Variants in TRPM8 observed in about 807,000 individuals in gnomAD.
TRPM8 encodes the protein TRPM8 cationic channel.
A neutral mutation model predicts 133.7 loss-of-function variants in TRPM8; 110 were observed. That is an observed-to-expected ratio of 0.82 (90% CI 0.70 to 0.96). TRPM8 has a LOEUF of 0.96. TRPM8 is among the 40% of genes least tolerant of loss of function. The pLI, the probability that TRPM8 is intolerant of heterozygous loss-of-function variation, is 0.00. For synonymous variants in TRPM8, 535 were observed against 532.3 expected (o/e 1.01, Z -0.07); for missense variants, 1,291 against 1,379.5 (o/e 0.94, Z 1.02).
At chr2:233,952,092 A>G (rs1282399683) in intron 9 of TRPM8, among the ~76,000 whole-genome samples, 2 of 152,162 alleles carry the variant, frequency 1.3e-5, no homozygotes, top group African/African-American at 4.8e-5. Context: ...CCAGTCTATC[A>G]ACCAATCTAG....
intron 22 of TRPM8, among the ~76,000 whole-genome samples, chr2:234,000,084 A>ATGATTGAT (rs1400522965): frequency 3.1e-5 from 3 of 95,650 alleles, no homozygotes; most frequent in Admixed American, 2.4e-4. Flanking sequence ...ATCAATGTGG[A>ATGATTGAT]TGATTTATTT....
chr2:233,943,699 C>T (rs1294256053), intron 6 of TRPM8, among the ~76,000 whole-genome samples: 2 of 152,096 alleles, frequency 1.3e-5, no homozygotes, highest in Non-Finnish European at 2.9e-5. Flanking sequence ...ACAAGGTAGA[C>T]ATATGGGGTT....
intron 2 of TRPM8, among the ~76,000 whole-genome samples, chr2:233,927,770 CTTTCTT>C (rs1691560754): frequency 1.5e-5 from 1 of 65,508 alleles, no homozygotes. Context: ...TTCTTTCTTT[CTTTCTT>C]TCTTTCTTTC....
chr2:233,978,391 T>C (rs1284631423), intron 17 of TRPM8, among the ~76,000 whole-genome samples: 1 of 152,186 alleles, frequency 6.6e-6, no homozygotes, highest in East Asian at 1.9e-4. Flanking sequence ...CACACTGTAT[T>C]ACATCAAACC....
chr2:233,983,532 G>A (rs1369296434), intron 20 of TRPM8, among the ~76,000 whole-genome samples: 1 of 152,174 alleles, frequency 6.6e-6, no homozygotes, highest in Non-Finnish European at 1.5e-5. Flanking sequence ...CCAGGGTTGT[G>A]AGTTGTACTC....
intron 24 of TRPM8, among the ~76,000 whole-genome samples, chr2:234,009,028 C>T (rs2125401451): frequency 6.6e-6 from 1 of 152,256 alleles, no homozygotes; most frequent in East Asian, 1.9e-4. Context: ...AGAAGAGAGC[C>T]CAGTGGGAAG....
chr2:233,981,954 C>A (rs368411322), intron 19 of TRPM8, 39 bp downstream of exon 19: 2 of 1,556,482 alleles, frequency 1.3e-6, no homozygotes, highest in Non-Finnish European at 8.7e-7. Flanking sequence ...ATTTTTCTTG[C>A]GGGGCCCAGA....
rs958696132 is a variant in TRPM8, at chr2:234,017,582, A to G, written c.*326A>G. The G allele has an allele frequency of 3.4e-6, 1 of 298,114 alleles. No individual in the cohort carries two copies. Among genetic ancestry groups the G allele is most frequent in the Admixed American group, 4.7e-5 (1 of 21,420 alleles). The allele number at this position is 298,114 out of a possible 1,614,324, so 18.5% of individuals were successfully genotyped here. ...ACCGCCTCCTTTTTCCTTTAATCTTATTTTTGATGAACACATATATAGGAG... is the reference window on the plus strand; with the variant it reads ...ACCGCCTCCTTTTTCCTTTAATCTTGTTTTTGATGAACACATATATAGGAG... On this transcript the variant is annotated 3_prime_UTR_variant, in exon 26 of 26. Transcript: ENST00000324695.
chr2:233,988,327 A>G (rs1360836986), intron 21 of TRPM8, among the ~76,000 whole-genome samples: 1 of 151,840 alleles, frequency 6.6e-6, no homozygotes, highest in Non-Finnish European at 1.5e-5. Flanking sequence ...CCAGGGTGGT[A>G]CCTGATGGCC....
chr2:233,980,154 G>A, intron 17 of TRPM8, 34 bp from the exon 18 acceptor site: 1 of 1,390,052 alleles, frequency 7.2e-7, no homozygotes, highest in Non-Finnish European at 1.0e-6. Context: ...TTTCCAAGCT[G>A]CTGATGTCCC....
chr2:233,950,018 G>T lies in TRPM8; in HGVS notation c.1012G>T (p.Val338Leu). Residue 338 changes from valine (V) to leucine (L), a missense_variant, in exon 9 of 26, where the codon GTG becomes TTG. Coordinates refer to ENST00000324695, the MANE Select transcript of TRPM8 (RefSeq NM_024080.5). ...GGAAGGCTCGGGCCAGATCGCTGAT[G>T]TGATCGCTAGCCTGGTGGAGGTGGA... The part of the protein sequence containing the change: ...VVEGSGQIAD[V>L]IASLVEVEDA... 1 of 1,614,208 alleles carries T rather than the reference G, an allele frequency of 6.2e-7. No individual in the cohort carries two copies. The highest frequency in any genetic ancestry group is 8.5e-7 in the Non-Finnish European group (1 of 1,180,050).
intron 20 of TRPM8, among the ~76,000 whole-genome samples, chr2:233,985,319 T>G (rs1692118355): frequency 6.6e-6 from 1 of 152,226 alleles, no homozygotes; most frequent in Non-Finnish European, 1.5e-5. Flanking sequence ...TGTCTCAGTT[T>G]ATGCTTCTCA....
chr2:233,946,096 A>C, intron 7 of TRPM8, 66 bp downstream of exon 7: 1 of 1,470,506 alleles, frequency 6.8e-7, no homozygotes, highest in East Asian at 2.3e-5. Flanking sequence ...CATCAACAAC[A>C]ATCACTACCA....
intron 3 of TRPM8, among the ~76,000 whole-genome samples, chr2:233,936,904 T>C (rs1291047609): frequency 8.2e-6 from 1 of 121,410 alleles, no homozygotes; most frequent in Non-Finnish European, 1.9e-5. Flanking sequence ...TTTTTTTTTT[T>C]TTTTTTTTTT....
chr2:234,001,356 TAC>T (rs1692558649), intron 22 of TRPM8, among the ~76,000 whole-genome samples: 1 of 152,102 alleles, frequency 6.6e-6, no homozygotes, highest in African/African-American at 2.4e-5. Context: ...TATTTTGAGG[TAC>T]TGTGTCCTAA....
chr2:233,971,701 C>T (rs938488619), intron 17 of TRPM8, among the ~76,000 whole-genome samples: 8 of 151,946 alleles, frequency 5.3e-5, no homozygotes, highest in Non-Finnish European at 5.9e-5. Flanking sequence ...CTGGTGGGTT[C>T]GTGGTCTCGC....
chr2:233,918,034 A>G (rs1346550661), intron 1 of TRPM8, among the ~76,000 whole-genome samples: 1 of 152,230 alleles, frequency 6.6e-6, no homozygotes, highest in East Asian at 1.9e-4. Flanking sequence ...GGCTGGATGA[A>G]TAATTAAAGG....
intron 7 of TRPM8, 47 bp downstream of exon 7, chr2:233,946,077 C>A (rs1691037128): frequency 1.9e-6 from 3 of 1,553,568 alleles, no homozygotes; most frequent in East Asian, 4.5e-5. Context: ...ATAACCACAG[C>A]AGCCACAGCA....
Position 233,963,278 on chromosome 2 carries a change from C to T in TRPM8, c.1654-4C>T, listed in dbSNP as rs1230457054. On this transcript the variant is annotated splice_region_variant and splice_polypyrimidine_tract_variant and intron_variant, in intron 12 of 25. Coordinates refer to ENST00000324695, the MANE Select transcript of TRPM8 (RefSeq NM_024080.5). ...CATGCTGACCACATGCTCTAACCCCCCAGGACGTGTCTCCTATTACTCGGC... is the reference window on the plus strand; with the variant it reads ...CATGCTGACCACATGCTCTAACCCCTCAGGACGTGTCTCCTATTACTCGGC... The T allele has an allele frequency of 1.6e-5, 25 of 1,607,926 alleles. No homozygotes were observed. Among genetic ancestry groups the T allele is most frequent in the Non-Finnish European group, 2.1e-5 (25 of 1,175,046 alleles).
Sources: gnomAD v4.1 joint callset for allele counts (sites outside exome capture counted in the v4.1 genomes callset) on GRCh38, gnomAD v4.1.1 for gene constraint, MANE v1.5 for transcripts, NCBI Gene and HGNC (gene_info 2026-07-23, HGNC 2026-07-21) for gene names.